The following LRRC7 variants were observed in gnomAD, a reference collection of about 807,000 sequenced individuals.
LRRC7 encodes the protein leucine rich repeat containing 7, also known as leucine-rich repeat-containing protein 7.
A neutral mutation model predicts 175.7 loss-of-function variants in LRRC7; 23 were observed. The observed-to-expected ratio is 0.13, with a 90% CI of 0.09 to 0.19. The LOEUF (loss-of-function observed/expected upper bound fraction) is 0.19, where lower values mean the gene tolerates loss of function less well. LRRC7 is among the 10% of genes least tolerant of loss of function. The pLI, the probability that LRRC7 is intolerant of heterozygous loss-of-function variation, is 1.00. For synonymous variants in LRRC7, 685 were observed against 680.9 expected (o/e 1.01, Z -0.09); for missense variants, 1,354 against 1,904.7 (o/e 0.71, Z 5.38).
In LRRC7 at chr1:69,868,065, C is replaced by A. The variant is rs143911091; in HGVS notation, c.647+29782C>A. ...TTTATTATTTTACGCCCAGAACAATCAAAAACATCTTCTGAATTTCTGGTT... is the reference window on the plus strand; with the variant it reads ...TTTATTATTTTACGCCCAGAACAATAAAAAACATCTTCTGAATTTCTGGTT... On this transcript the variant is annotated intron_variant, in intron 7 of 26. Coordinates refer to ENST00000651989, the MANE Select transcript of LRRC7 (RefSeq NM_001370785.2). Among the ~76,000 whole-genome samples, 493 of 152,122 alleles carry A rather than the reference C, an allele frequency of 3.2e-3. 1 individual carries two copies. Among genetic ancestry groups the A allele is most frequent in the African/African-American group, 0.011 (444 of 41,520 alleles).
At chr1:69,950,976 G>C (rs760026802) in intron 8 of LRRC7, among the ~76,000 whole-genome samples, 1 of 151,790 alleles carries the variant, frequency 6.6e-6, no homozygotes, top group African/African-American at 2.4e-5. Flanking sequence ...GGAACACACA[G>C]GTGGAAATGT....
intron 3 of LRRC7, among the ~76,000 whole-genome samples, chr1:69,784,967 A>G (rs59041437): frequency 4.0e-3 from 606 of 152,182 alleles, no homozygotes; most frequent in African/African-American, 0.014. Flanking sequence ...GACTTCCTTT[A>G]TGTCTAGCAC....
intron 2 of LRRC7, among the ~76,000 whole-genome samples, chr1:69,734,219 C>T (rs1234700643): frequency 1.3e-5 from 2 of 151,632 alleles, no homozygotes; most frequent in Non-Finnish European, 3.0e-5. Context: ...TTAAAGCATC[C>T]ATATGCCGTC....
At chr1:69,598,007 A>C (rs1646910639) in intron 1 of LRRC7, among the ~76,000 whole-genome samples, 1 of 152,180 alleles carries the variant, frequency 6.6e-6, no homozygotes, top group Non-Finnish European at 1.5e-5. Flanking sequence ...TCATCTACCA[A>C]ACAGAATTTT....
intron 8 of LRRC7, among the ~76,000 whole-genome samples, chr1:69,968,317 C>T (rs1188329948): frequency 2.0e-5 from 3 of 152,024 alleles, no homozygotes; most frequent in Non-Finnish European, 4.4e-5. Context: ...TGTTAAACGA[C>T]CAAACCTAAG....
At chr1:69,781,780 AGAAAGAAAG>A (rs1200929845) in intron 3 of LRRC7, among the ~76,000 whole-genome samples, 2 of 72,844 alleles carry the variant, frequency 2.7e-5, no homozygotes, top group African/African-American at 1.3e-4. Flanking sequence ...AAAGAAAGAA[AGAAAGAAAG>A]GAAGGAAGGA....
rs910070939 is a variant in LRRC7, at chr1:69,823,563, G to A, written c.422-2185G>A. ...TGGGAAAAAAAGTGTGTGTGTGTGCGTACACGCACATTAATAATGTATATA... is the reference window on the plus strand; with the variant it reads ...TGGGAAAAAAAGTGTGTGTGTGTGCATACACGCACATTAATAATGTATATA... On this transcript the variant is annotated intron_variant, in intron 4 of 26. Transcript: ENST00000651989. Among the ~76,000 whole-genome samples the A allele has an allele frequency of 5.9e-4, 89 of 151,936 alleles. 1 individual carries two copies. The highest frequency in any genetic ancestry group is 7.8e-4 in the Non-Finnish European group (53 of 67,986).
rs959329680 is a variant in LRRC7 at position 70,044,025 on chromosome 1, A to G, written c.4041A>G (p.Ala1347=). 1 of 1,613,488 alleles carries G rather than the reference A, an allele frequency of 6.2e-7. No individual in the cohort carries two copies. The highest frequency in any genetic ancestry group is 8.5e-7 in the Non-Finnish European group (1 of 1,179,688). Residue 1347 remains alanine (A), a synonymous_variant, in exon 22 of 27, where the codon GCA becomes GCG. Coordinates refer to ENST00000651989, the MANE Select transcript of LRRC7 (RefSeq NM_001370785.2). ...ATGGAGGTATTTCAGCAATGCATGC[A>G]GGCAGAAGCATGACTTTAAACTTGC... The part of the protein sequence containing the change: ...LPYGGISAMH[A]GRSMTLNLQT...
rs1666941993 is a variant in LRRC7, at chr1:70,138,220, TAATC to T, written c.*16336_*16339del. 1 of 152,162 alleles carries T rather than the reference TAATC, an allele frequency of 6.6e-6. No homozygotes were observed. Among genetic ancestry groups the T allele is most frequent in the South Asian group, 2.1e-4 (1 of 4,830 alleles). The allele number at this position is 152,162 out of a possible 1,614,324, so 9.4% of individuals were successfully genotyped here. A position where few individuals can be genotyped will look rare whatever the true frequency, so the allele number is the denominator to read the frequency against. On this transcript the variant is annotated 3_prime_UTR_variant, in exon 27 of 27. Transcript: ENST00000651989. ...AATGGAGATTGTGCCTTTAAATACT[TAATC>T]AAAGGACTCCTGACCTTCAAGTACC... is the stretch of plus-strand genomic sequence containing the variant.
intron 4 of LRRC7, among the ~76,000 whole-genome samples, chr1:69,805,153 A>G (rs1226766548): frequency 1.3e-5 from 2 of 151,786 alleles, no homozygotes; most frequent in Admixed American, 6.6e-5. Context: ...ATCAGAATTG[A>G]AGGCATTATT....
At chr1:70,070,953 G>T (rs1311580505) in intron 23 of LRRC7, among the ~76,000 whole-genome samples, 1 of 152,202 alleles carries the variant, frequency 6.6e-6, no homozygotes, top group East Asian at 1.9e-4. Flanking sequence ...TGAATGCTGT[G>T]CACCTACTTG....
At chr1:69,649,632 A>G (rs78303860) in intron 1 of LRRC7, among the ~76,000 whole-genome samples, 10,373 of 152,256 alleles carry the variant, frequency 0.068, 437 homozygotes, top group East Asian at 0.13. Flanking sequence ...GTCAACAAAG[A>G]GACCACTAGC....
At chr1:69,685,851 G>A (rs569932999) in intron 2 of LRRC7, among the ~76,000 whole-genome samples, 10 of 151,142 alleles carry the variant, frequency 6.6e-5, no homozygotes, top group East Asian at 2.0e-4. Flanking sequence ...GACAAAAGAC[G>A]TAAATCTAGA....
At chr1:69,835,038 G>A (rs1680947687) in intron 6 of LRRC7, among the ~76,000 whole-genome samples, 169 bp downstream of exon 6, 1 of 151,672 alleles carries the variant, frequency 6.6e-6, no homozygotes, top group South Asian at 2.1e-4. Flanking sequence ...AAAATATAAA[G>A]TAAAATTAGG....
chr1:70,057,009 A>G (rs1475719819), intron 23 of LRRC7, among the ~76,000 whole-genome samples: 1 of 151,702 alleles, frequency 6.6e-6, no homozygotes, highest in African/African-American at 2.4e-5. Context: ...TTGGGGGGGG[A>G]ATCCATAGGA....
chr1:70,031,445 G>A (rs959863920), intron 18 of LRRC7, among the ~76,000 whole-genome samples: 8 of 152,080 alleles, frequency 5.3e-5, no homozygotes, highest in African/African-American at 1.9e-4. Context: ...TGCCCACAGC[G>A]TCTCAGTGAT....
chr1:69,706,607 A>G lies in LRRC7; in HGVS notation c.100+28129A>G, dbSNP rs180827979. 4.6e-5 allele frequency among the ~76,000 whole-genome samples: 7 copies of G among 152,318 alleles called. No homozygotes were observed. The South Asian group carries it at 8.3e-4, about 18-fold the overall frequency. Reference sequence around the variant, plus strand: ...CTGTTTTTTTAAAGCTGCAAGACTAATCTAACTAGCCTGATTATAGAAGGA... The same window carrying G: ...CTGTTTTTTTAAAGCTGCAAGACTAGTCTAACTAGCCTGATTATAGAAGGA... On this transcript the variant is annotated intron_variant, in intron 2 of 26. Coordinates refer to ENST00000651989, the MANE Select transcript of LRRC7 (RefSeq NM_001370785.2).
intron 1 of LRRC7, among the ~76,000 whole-genome samples, chr1:69,596,681 G>C (rs1176058198): frequency 6.6e-6 from 1 of 152,196 alleles, no homozygotes; most frequent in Non-Finnish European, 1.5e-5. Context: ...TTAGCTAAAA[G>C]CTAAATCACT....
intron 2 of LRRC7, among the ~76,000 whole-genome samples, chr1:69,730,677 A>G (rs1667471351): frequency 6.6e-6 from 1 of 152,030 alleles, no homozygotes; most frequent in African/African-American, 2.4e-5. Flanking sequence ...AAACTTTTCC[A>G]CATTTTCCTA....
Sources: gnomAD v4.1 joint callset for allele counts (sites outside exome capture counted in the v4.1 genomes callset) on GRCh38, gnomAD v4.1.1 for gene constraint, MANE v1.5 for transcripts, NCBI Gene and HGNC (gene_info 2026-07-23, HGNC 2026-07-21) for gene names.